COL6A3: variants seen among roughly 807,000 people sequenced by gnomAD.
COL6A3 encodes collagen type VI alpha 3 chain.
In COL6A3, 137 loss-of-function variants were observed where a neutral mutation model predicts 274.1. That is an observed-to-expected ratio of 0.50 (90% CI 0.44 to 0.58). The LOEUF (loss-of-function observed/expected upper bound fraction) is 0.58. COL6A3 is among the 20% of genes least tolerant of loss of function. The pLI, the probability that COL6A3 is intolerant of heterozygous loss-of-function variation, is 0.00. For synonymous variants in COL6A3, 1,650 were observed against 1,650.6 expected, an observed-to-expected ratio of 1.00 and a Z score of 0.01; for missense variants, 3,950 against 4,124.9, an observed-to-expected ratio of 0.96 and a Z score of 1.16.
In COL6A3 at chr2:237,368,587, C is replaced by T. The variant is rs2077608519; in HGVS notation, c.4876G>A (p.Asp1626Asn). 6.2e-7 allele frequency: 1 copy of T among 1,614,036 alleles called. No individual in the cohort carries two copies. The highest frequency in any genetic ancestry group is 2.2e-5 in the East Asian group (1 of 44,870). ...CCTGGCCGTGAAGGAGGAGGGGTGTCCACCCCTGGAGGTGCAGGAGTGGCT... is the reference window on the plus strand; with the variant it reads ...CCTGGCCGTGAAGGAGGAGGGGTGTTCACCCCTGGAGGTGCAGGAGTGGCT... ...SAATPAPPGV[D>N]TPPPSRPEKK... Residue 1626 changes from aspartate (D) to asparagine (N), a missense_variant, in exon 10 of 44, where the codon GAC (aspartate) becomes AAC (asparagine). By Grantham distance (23) the Asp-to-Asn change is conservative. Coordinates refer to ENST00000295550, the MANE Select transcript of COL6A3 (RefSeq NM_004369.4). The surrounding 1 kb of genome is among the most constrained non-coding windows in gnomAD (Gnocchi z 4.4).
intron 13 of COL6A3, 58 bp from the exon 14 acceptor site, chr2:237,363,456 C>T: frequency 1.3e-6 from 2 of 1,593,934 alleles, no homozygotes; most frequent in Non-Finnish European, 1.7e-6. Flanking sequence ...ATGCAATGTC[C>T]TTTTTTCCTG....
At chr2:237,337,952 A>G (rs1381331974) in intron 39 of COL6A3, among the ~76,000 whole-genome samples, 5 of 151,982 alleles carry the variant, frequency 3.3e-5, no homozygotes, top group Non-Finnish European at 7.3e-5. Context: ...TCACAGCATT[A>G]ATAATTTTAA....
rs747784558 is a variant in COL6A3, at chr2:237,360,103, G to A, written c.6267C>T (p.Gly2089=). ...NGTQGFQGCP[G]QRGVKGSRGF... is the part of the protein sequence containing the mutation. ...CACGCCTCACCTTTACTCCTCTCTG[G>A]CCCGGGCAGCCCTGGAAACCTTGAG... is the stretch of plus-strand genomic sequence containing the variant. The change falls in exon 17 of 44, where the codon GGC becomes GGT. Residue 2089 remains glycine (G), a synonymous_variant. Coordinates refer to ENST00000295550, the MANE Select transcript of COL6A3 (RefSeq NM_004369.4). 6.2e-7 allele frequency: 1 copy of A among 1,613,900 alleles called. No homozygotes were observed. Among genetic ancestry groups the A allele is most frequent in the Non-Finnish European group, 8.5e-7 (1 of 1,180,002 alleles).
At chr2:237,382,994 T>C (rs2078048042) in intron 4 of COL6A3, among the ~76,000 whole-genome samples, 1 of 152,158 alleles carries the variant, frequency 6.6e-6, no homozygotes, top group Admixed American at 6.5e-5. Flanking sequence ...AGATGGGGTT[T>C]CACCATGCTG....
In COL6A3 at chr2:237,347,848, G is replaced by T. The variant is rs761508655; in HGVS notation, c.6988C>A (p.Leu2330Ile). 1.3e-5 allele frequency: 21 copies of T among 1,610,996 alleles called. No homozygotes were observed. The highest frequency in any genetic ancestry group is 1.7e-5 in the Non-Finnish European group (20 of 1,178,560). ...CCTTTGGGTCCTGTTGTTCCATTTA[G>T]CCCAGGTTCACCTGGGTTACCCTGG... ...GPKGNPGEPG[L>I]NGTTGPKGIR... Residue 2330 changes from leucine (L) to isoleucine (I), a missense_variant, in exon 31 of 44, where the codon CTA (leucine) becomes ATA (isoleucine). Leu to Ile is a conservative substitution (Grantham distance 5). Transcript: ENST00000295550.
intron 1 of COL6A3, among the ~76,000 whole-genome samples, chr2:237,408,713 T>C (rs1445156179): frequency 1.3e-5 from 2 of 152,206 alleles, no homozygotes; most frequent in Non-Finnish European, 2.9e-5. Flanking sequence ...ATTGTACTTT[T>C]CCCTGGCCAC....
At chr2:237,349,079 C>A (rs1226385024) in intron 28 of COL6A3, among the ~76,000 whole-genome samples, 3 of 151,972 alleles carry the variant, frequency 2.0e-5, no homozygotes, top group Non-Finnish European at 2.9e-5. Context: ...TCTCTCAGGC[C>A]CAGGTCATAT....
intron 27 of COL6A3, 100 bp downstream of exon 27, chr2:237,351,030 C>A: frequency 8.7e-7 from 1 of 1,152,036 alleles, no homozygotes; most frequent in Admixed American, 1.7e-5. Flanking sequence ...ACCAGTAGTA[C>A]TGAAGAGGAG....
At chr2:237,404,015 TTAAA>T (rs2078661477) in intron 1 of COL6A3, among the ~76,000 whole-genome samples, 1 of 152,066 alleles carries the variant, frequency 6.6e-6, no homozygotes, top group Non-Finnish European at 1.5e-5. Flanking sequence ...ATGACCTCAA[TTAAA>T]TAATGATATA....
Position 237,361,149 on chromosome 2 carries a change from C to T in COL6A3, c.6182G>A (p.Arg2061Gln), listed in dbSNP as rs376715966. The T allele has an allele frequency of 2.2e-5, 35 of 1,613,990 alleles. No individual in the cohort carries two copies. The highest frequency in any genetic ancestry group is 6.7e-5 in the African/African-American group (5 of 74,928). Reference protein sequence around the residue: ...PKGIPGEDGYRGYPGDEGGPG... With the variant: ...PKGIPGEDGYQGYPGDEGGPG... ...TCCACCCTCATCACCAGGATAGCCT[C>T]GGTAGCCGTCTTCTCCAGGAATACC... is the stretch of plus-strand genomic sequence containing the variant. Residue 2061 changes from arginine to glutamine, a missense_variant, in exon 16 of 44, where the codon CGA becomes CAA. This residue lies in a region of COL6A3 where 92 missense variants were observed against 143.4 expected (regional missense o/e 0.64). Transcript: ENST00000295550. This position sits in a 1 kb window ranked among gnomAD's most constrained non-coding sequence, Gnocchi z 5.1.
At chr2:237,386,062 G>C (rs2078137674) in intron 4 of COL6A3, among the ~76,000 whole-genome samples, 1 of 152,238 alleles carries the variant, frequency 6.6e-6, no homozygotes, top group Non-Finnish European at 1.5e-5. Flanking sequence ...CCAATGCACA[G>C]ATTAAGTAGA....
chr2:237,378,738 T>C lies in COL6A3; in HGVS notation c.2395A>G (p.Met799Val), dbSNP rs1559257612. ...IAFNPSLVYL[M>V]DDFSSLPALP... is the part of the protein sequence containing the mutation. ...GCTGGCAGGGAGCTGAAATCATCCA[T>C]GAGATACACCAGGCTTGGGTTAAAA... Residue 799 changes from methionine to valine, a missense_variant, in exon 6 of 44, where the codon ATG (methionine) becomes GTG (valine). Physicochemically the swap from Met to Val is conservative, Grantham distance 21. Around this residue, in one of 5 missense-constraint regions of COL6A3, gnomAD observed 1,934 missense variants for 1,984.3 expected, o/e 0.97. Coordinates refer to ENST00000295550, the MANE Select transcript of COL6A3 (RefSeq NM_004369.4). 1.2e-6 allele frequency: 2 copies of C among 1,613,264 alleles called. No individual in the cohort carries two copies. The highest frequency in any genetic ancestry group is 1.3e-5 in the African/African-American group (1 of 75,044).
chr2:237,354,443 T>A (rs1355097563), intron 24 of COL6A3, among the ~76,000 whole-genome samples: 1 of 152,112 alleles, frequency 6.6e-6, no homozygotes. Context: ...CATATCCAAT[T>A]GCTTCCTTCG....
chr2:237,356,853 AT>A (rs1254103520), intron 23 of COL6A3: 1 of 203,930 alleles, frequency 4.9e-6, no homozygotes, highest in Admixed American at 5.3e-5. Context: ...TGCTACAGAC[AT>A]TTCTGAAATG....
chr2:237,390,413 T>C (rs1197885534), intron 3 of COL6A3, among the ~76,000 whole-genome samples: 1 of 152,206 alleles, frequency 6.6e-6, no homozygotes. Flanking sequence ...AGGGCATGCT[T>C]TGTTATTCAA....
At position 237,364,024 on chromosome 2, in the gene COL6A3, G is replaced by A. The variant is rs776573105; in HGVS notation, c.5917+326C>T. 6.6e-6 allele frequency among the ~76,000 whole-genome samples: 1 copy of A among 152,188 alleles called. No individual in the cohort carries two copies. Among genetic ancestry groups the A allele is most frequent in the Non-Finnish European group, 1.5e-5 (1 of 68,036 alleles). On this transcript the variant is annotated intron_variant, in intron 13 of 43. Transcript: ENST00000295550. The surrounding 1 kb of genome is among the most constrained non-coding windows in gnomAD (Gnocchi z 4.6). ...AAAATAGAGCAATGTATTTTTATTAGTAACTAATTCCTAGTTTATGTGATG... is the reference window on the plus strand; with the variant it reads ...AAAATAGAGCAATGTATTTTTATTAATAACTAATTCCTAGTTTATGTGATG...
At position 237,344,462 on chromosome 2, in the gene COL6A3, G is replaced by T; in HGVS notation, c.7556C>A (p.Pro2519His). 6.2e-7 allele frequency: 1 copy of T among 1,614,182 alleles called. No individual in the cohort carries two copies. The change falls in exon 36 of 44, where the codon CCC becomes CAC. Residue 2519 changes from proline to histidine, a missense_variant. Physicochemically the swap from Pro to His is moderately conservative, Grantham distance 77 (BLOSUM62 -2). Around this residue, in one of 5 missense-constraint regions of COL6A3, gnomAD observed 1,284 missense variants for 1,349.7 expected, o/e 0.95. Transcript: ENST00000295550. This position sits in a 1 kb window ranked among gnomAD's most constrained non-coding sequence, Gnocchi z 4.8. ...RKVAVFFSNT[P>H]TRASPQLREA... ...TCTGAGCTGTGGGGATGCTCTTGTGGGTGTGTTGCTGAAGAAAACAGCCAC... is the reference window on the plus strand; with the variant it reads ...TCTGAGCTGTGGGGATGCTCTTGTGTGTGTGTTGCTGAAGAAAACAGCCAC...
At position 237,368,955 on chromosome 2, in the gene COL6A3, A is replaced by G. The variant is rs746823083; in HGVS notation, c.4508T>C (p.Ile1503Thr). Residue 1503 changes from isoleucine (I) to threonine (T), a missense_variant, in exon 10 of 44, where the codon ATA (isoleucine) becomes ACA (threonine). Ile to Thr is a moderately conservative substitution (Grantham distance 89, BLOSUM62 -1). Coordinates refer to ENST00000295550, the MANE Select transcript of COL6A3 (RefSeq NM_004369.4). The surrounding 1 kb of genome is among the most constrained non-coding windows in gnomAD (Gnocchi z 4.4). ...YRSQAPVLDAIRRLRLRGGSP... is the reference protein window; with the variant it reads ...YRSQAPVLDATRRLRLRGGSP... The stretch of plus-strand genomic sequence containing the variant: ...CCCCCCTCTGAGCCTCAGGCGCCGT[A>G]TGGCGTCCAGCACCGGGGCCTGGGA... 3 of 1,614,076 alleles carry G rather than the reference A, an allele frequency of 1.9e-6. No homozygotes were observed. The highest frequency in any genetic ancestry group is 2.5e-6 in the Non-Finnish European group (3 of 1,180,032).
intron 30 of COL6A3, 69 bp downstream of exon 30, chr2:237,348,280 C>A: frequency 7.7e-7 from 1 of 1,297,322 alleles, no homozygotes; most frequent in Non-Finnish European, 1.1e-6. Context: ...TATTCTGATT[C>A]TCAGTCCATG....
Sources: allele counts gnomAD v4.1 joint callset (sites outside exome capture counted in the v4.1 genomes callset), GRCh38; gene constraint gnomAD v4.1.1; regional missense constraint gnomAD v4.1.1; non-coding constraint Gnocchi (gnomAD v3.1); transcripts MANE v1.5; gene names NCBI Gene and HGNC (gene_info 2026-07-23, HGNC 2026-07-21).